FBXO42: variants seen among roughly 807,000 people sequenced by gnomAD.
FBXO42 encodes F-box only protein 42.
Under a neutral mutation model 71.7 loss-of-function variants are expected in FBXO42, and 12 were observed. That is an observed-to-expected ratio of 0.17 (90% CI 0.11 to 0.27). FBXO42 has a LOEUF of 0.27. FBXO42 is among the 10% of genes least tolerant of loss of function. The pLI is 1.00. For synonymous variants in FBXO42, 325 were observed against 327.5 expected, an observed-to-expected ratio of 0.99 and a Z score of 0.08; for missense variants, 707 against 911.9, an observed-to-expected ratio of 0.78 and a Z score of 2.89.
chr1:16,340,872 T>C (rs761146519), intron 1 of FBXO42, among the ~76,000 whole-genome samples: 11 of 152,188 alleles, frequency 7.2e-5, no homozygotes, highest in Non-Finnish European at 1.5e-4. Context: ...TTTAAGGTCA[T>C]ACAGCCAATG....
chr1:16,348,309 A>G (rs935310686), intron 1 of FBXO42, among the ~76,000 whole-genome samples: 7 of 152,202 alleles, frequency 4.6e-5, no homozygotes, highest in Non-Finnish European at 7.3e-5. Flanking sequence ...TTAATTGTAC[A>G]ACAACTACAG....
At chr1:16,294,548 A>C in intron 4 of FBXO42, 1 of 481,392 alleles carries the variant, frequency 2.1e-6, no homozygotes, top group Non-Finnish European at 3.7e-6. Context: ...AAATGAATTC[A>C]CACAGCAGTA....
chr1:16,324,807 C>T (rs2082437681), intron 1 of FBXO42, among the ~76,000 whole-genome samples: 2 of 151,998 alleles, frequency 1.3e-5, no homozygotes, highest in African/African-American at 2.4e-5. Context: ...CACAGCAAGA[C>T]TCCGTTTCAA....
At chr1:16,306,053 C>T (rs1036121710) in intron 2 of FBXO42, 134 bp from the exon 3 acceptor site, 8 of 640,898 alleles carry the variant, frequency 1.2e-5, no homozygotes, top group African/African-American at 1.1e-4. Flanking sequence ...GATGGAGTCT[C>T]ACTCTGTCGC....
chr1:16,301,732 G>A (rs905834725), intron 3 of FBXO42, among the ~76,000 whole-genome samples: 1 of 150,886 alleles, frequency 6.6e-6, no homozygotes, highest in South Asian at 2.1e-4. Flanking sequence ...CATGGAGCCT[G>A]TCTATCTTCA....
intron 2 of FBXO42, 87 bp from the exon 3 acceptor site, chr1:16,306,006 A>C: frequency 4.2e-6 from 4 of 951,838 alleles, no homozygotes; most frequent in Non-Finnish European, 6.6e-6. Flanking sequence ...TGTTTTTATC[A>C]TTTTTATACA....
At chr1:16,332,840 C>G (rs746041307) in intron 1 of FBXO42, among the ~76,000 whole-genome samples, 2 of 152,014 alleles carry the variant, frequency 1.3e-5, no homozygotes, top group Non-Finnish European at 2.9e-5. Context: ...TGCGCCTGGC[C>G]TCGACTAATG....
chr1:16,325,739 C>T (rs2082443490), intron 1 of FBXO42, among the ~76,000 whole-genome samples: 1 of 152,146 alleles, frequency 6.6e-6, no homozygotes, highest in Non-Finnish European at 1.5e-5. Context: ...GATTCTCCTA[C>T]CTCAGCCTCC....
At chr1:16,350,051 CA>C (rs1347352337) in intron 1 of FBXO42, among the ~76,000 whole-genome samples, 1 of 152,118 alleles carries the variant, frequency 6.6e-6, no homozygotes, top group East Asian at 1.9e-4. Context: ...GAATCTTACT[CA>C]GGGTTTAAAC....
chr1:16,324,530 G>A (rs1471239405), intron 1 of FBXO42, among the ~76,000 whole-genome samples: 1 of 152,138 alleles, frequency 6.6e-6, no homozygotes, highest in Non-Finnish European at 1.5e-5. Context: ...CTAAAGACTA[G>A]GTAGAAGCCA....
In FBXO42 at chr1:16,333,439, C is replaced by CA. The variant is rs965893385; in HGVS notation, c.-17-18005_-17-18004insT. Among the ~76,000 whole-genome samples the CA allele has an allele frequency of 3.9e-5, 5 of 128,414 alleles. No individual in the cohort carries two copies. In the South Asian group the frequency reaches 1.1e-3, roughly 29 times the overall value. The allele number at this position is 128,414 out of a possible 152,430, so 84.2% of individuals were successfully genotyped here. On this transcript the variant is annotated intron_variant, in intron 1 of 9. Transcript: ENST00000375592. ...ACCAGCCTGGGCAAATAGTGAGACC[C>CA]CCCCCCCCCATTTCCAAGAAGAAAA...
intron 4 of FBXO42, among the ~76,000 whole-genome samples, chr1:16,283,736 C>A (rs573583870): frequency 6.6e-6 from 1 of 151,970 alleles, no homozygotes; most frequent in East Asian, 1.9e-4. Context: ...ACCTAGTGAT[C>A]CACCTGCCTT....
intron 4 of FBXO42, among the ~76,000 whole-genome samples, chr1:16,288,771 AGT>A (rs916593048): frequency 5.1e-4 from 77 of 152,002 alleles, no homozygotes; most frequent in African/African-American, 1.7e-3. Flanking sequence ...CAGCCTGGGC[AGT>A]ATGGTGAAAC....
chr1:16,335,947 T>C (rs1487638878), intron 1 of FBXO42, among the ~76,000 whole-genome samples: 1 of 152,092 alleles, frequency 6.6e-6, no homozygotes, highest in African/African-American at 2.4e-5. Context: ...TGTTTTGTTT[T>C]TGAGATGGAG....
intron 2 of FBXO42, among the ~76,000 whole-genome samples, chr1:16,314,305 T>TA (rs550403546): frequency 2.6e-5 from 4 of 152,158 alleles, no homozygotes; most frequent in Admixed American, 6.6e-5. Flanking sequence ...TGTTTAGAGA[T>TA]AAAATCAAGT....
intron 1 of FBXO42, among the ~76,000 whole-genome samples, chr1:16,349,808 G>C (rs1415331894): frequency 2.0e-5 from 3 of 152,202 alleles, no homozygotes; most frequent in African/African-American, 4.8e-5. Flanking sequence ...GTTGCAGTGA[G>C]CCGAGATCAT....
At chr1:16,274,588 GTT>G (rs533547281) in intron 4 of FBXO42, among the ~76,000 whole-genome samples, 171 of 53,492 alleles carry the variant, frequency 3.2e-3, no homozygotes, top group African/African-American at 0.013. Context: ...TTATGCCCCC[GTT>G]TTTTTTTTTT....
chr1:16,316,839 A>G (rs1032780379), intron 1 of FBXO42, among the ~76,000 whole-genome samples: 1 of 152,132 alleles, frequency 6.6e-6, no homozygotes, highest in African/African-American at 2.4e-5. Flanking sequence ...TGAATCATTA[A>G]GAGATCCAGG....
intron 4 of FBXO42, among the ~76,000 whole-genome samples, chr1:16,288,443 T>G (rs2082043733): frequency 6.8e-6 from 1 of 147,304 alleles, no homozygotes; most frequent in African/African-American, 2.6e-5. Flanking sequence ...AAAATAAAAA[T>G]AAAAATAAAA....
Sources: allele counts gnomAD v4.1 joint callset (sites outside exome capture counted in the v4.1 genomes callset), GRCh38; gene constraint gnomAD v4.1.1; transcripts MANE v1.5; gene names NCBI Gene and HGNC (gene_info 2026-07-23, HGNC 2026-07-21).